Variants in SHROOM4 observed in about 807,000 individuals in gnomAD.
SHROOM4 encodes the protein protein Shroom4.
Under a neutral mutation model 80.3 loss-of-function variants are expected in SHROOM4, and 17 were observed. That is an observed-to-expected ratio of 0.21 (90% CI 0.14 to 0.32). The LOEUF is 0.32. Ranked by LOEUF, SHROOM4 falls within the 10% of genes least tolerant of loss-of-function variation. SHROOM4 has a pLI of 1.00. For synonymous variants in SHROOM4, 400 were observed against 437.5 expected, an observed-to-expected ratio of 0.91 and a Z score of 1.07; for missense variants, 993 against 1,140.3, an observed-to-expected ratio of 0.87 and a Z score of 1.86.
chrX:50,738,819 GA>G (rs1282493168), intron 1 of SHROOM4, among the ~76,000 whole-genome samples: 10 of 111,227 alleles, frequency 9.0e-5, no homozygotes, highest in African/African-American at 1.6e-4. Context: ...CACAGAATTG[GA>G]AAAAAACTAC....
chrX:50,722,334 G>A (rs974411498), intron 1 of SHROOM4, among the ~76,000 whole-genome samples: 1 of 108,959 alleles, frequency 9.2e-6, no homozygotes, highest in African/African-American at 3.3e-5. Context: ...TACAGCAAAT[G>A]TATAGAAGTT....
downstream of SHROOM4, among the ~76,000 whole-genome samples, chrX:50,583,370 C>T (rs1928698436): frequency 9.0e-6 from 1 of 111,018 alleles, no homozygotes; most frequent in Admixed American, 9.6e-5. Flanking sequence ...TGTGCAGACT[C>T]TAGGATGGCC....
chrX:50,793,779 G>A (rs1557271771), intron 1 of SHROOM4, among the ~76,000 whole-genome samples: 1 of 109,795 alleles, frequency 9.1e-6, no homozygotes, highest in Non-Finnish European at 1.9e-5. Context: ...ACTAACTTTG[G>A]CTTTTTTGAA....
chrX:50,611,605 T>C (rs1569546523), intron 5 of SHROOM4, among the ~76,000 whole-genome samples: 1 of 111,535 alleles, frequency 9.0e-6, no homozygotes, highest in South Asian at 3.8e-4. Flanking sequence ...GAGGATATGG[T>C]TGACTAAAGC....
intron 1 of SHROOM4, among the ~76,000 whole-genome samples, chrX:50,722,360 T>C (rs1336363037): frequency 9.1e-6 from 1 of 109,503 alleles, no homozygotes; most frequent in Non-Finnish European, 1.9e-5. Flanking sequence ...AAAACCTACC[T>C]AAGGGAAGGG....
chrX:50,635,768 AGGAGGGTAGGC>A, intron 3 of SHROOM4, 100 bp from the exon 4 acceptor site: 1 of 678,241 alleles, frequency 1.5e-6, no homozygotes, highest in Admixed American at 2.9e-5. Context: ...CACAAAAGAG[AGGAGGGTAGGC>A]AAAAAAAAAA....
chrX:50,721,669 C>T (rs1218489123), intron 1 of SHROOM4, among the ~76,000 whole-genome samples: 1 of 111,424 alleles, frequency 9.0e-6, no homozygotes, highest in African/African-American at 3.3e-5. Context: ...TGCAGCCCAG[C>T]AGGTCTCAGC....
chrX:50,577,765 G>A, the SHROOM4 span, among the ~76,000 whole-genome samples: 1 of 111,369 alleles, frequency 9.0e-6, no homozygotes, highest in African/African-American at 3.3e-5. Flanking sequence ...GAGTATATCA[G>A]GGCAGCAAAA....
intron 2 of SHROOM4, among the ~76,000 whole-genome samples, chrX:50,650,610 G>A (rs989676888): frequency 1.8e-5 from 2 of 109,810 alleles, no homozygotes; most frequent in African/African-American, 6.7e-5. Flanking sequence ...CGCCCACCTC[G>A]ATCTCCCAAA....
In SHROOM4 at chrX:50,593,941, G is replaced by T. The variant is rs1298684846; in HGVS notation, c.*2754C>A. ...TTGAGTCTCCAGCTGTGGGACTCAG[G>T]AAGATTCAATTATCCAGAGCCCTGG... On this transcript the variant is annotated 3_prime_UTR_variant, in exon 9 of 9. Coordinates refer to ENST00000376020, the MANE Select transcript of SHROOM4 (RefSeq NM_020717.5). 1 of 112,190 alleles carries T rather than the reference G, an allele frequency of 8.9e-6. No homozygotes were observed. Among genetic ancestry groups the T allele is most frequent in the Non-Finnish European group, 1.9e-5 (1 of 53,318 alleles). 9.2% of individuals were successfully genotyped at this position (112,190 alleles called of 1,213,427 possible). A position where few individuals can be genotyped will look rare whatever the true frequency, so the allele number is the denominator to read the frequency against.
chrX:50,748,174 T>C (rs1193457552), intron 1 of SHROOM4, among the ~76,000 whole-genome samples: 2 of 111,168 alleles, frequency 1.8e-5, no homozygotes, highest in Non-Finnish European at 1.9e-5. Context: ...AAAGATAACA[T>C]GTAAAAATTA....
At position 50,596,116 on chromosome X, in the gene SHROOM4, C is replaced by T. The variant is rs1929098365; in HGVS notation, c.*579G>A. On this transcript the variant is annotated 3_prime_UTR_variant, in exon 9 of 9. Transcript: ENST00000376020. ...GGTAGAGCCTATTTAAACCTGGTTCCTTCCTAAGGGGCACCTGGGGGTACT... is the reference window on the plus strand; with the variant it reads ...GGTAGAGCCTATTTAAACCTGGTTCTTTCCTAAGGGGCACCTGGGGGTACT... The T allele has an allele frequency of 6.1e-6, 2 of 328,658 alleles. No individual in the cohort carries two copies. The highest frequency in any genetic ancestry group is 2.6e-5 in the African/African-American group (1 of 37,901). The allele number at this position is 328,658 out of a possible 1,213,427, so 27.1% of individuals were successfully genotyped here.
Sources: gnomAD v4.1 joint callset for allele counts (sites outside exome capture counted in the v4.1 genomes callset) on GRCh38, gnomAD v4.1.1 for gene constraint, MANE v1.5 for transcripts, NCBI Gene and HGNC (gene_info 2026-07-23, HGNC 2026-07-21) for gene names.